The following TXLNB variants were observed in gnomAD, a reference collection of about 807,000 sequenced individuals.
TXLNB encodes the protein taxilin beta.
TXLNB carries 37 observed loss-of-function variants against 57.4 expected under a neutral mutation model. The ratio of observed to expected loss-of-function variants is 0.64; its 90% CI spans 0.50 to 0.85. The LOEUF (loss-of-function observed/expected upper bound fraction) is 0.85, where lower values mean the gene tolerates loss of function less well. Ranked by LOEUF, TXLNB falls within the 40% of genes least tolerant of loss-of-function variation. TXLNB has a pLI of 0.00. For missense variants in TXLNB, 848 were observed against 825.6 expected (o/e 1.03, Z -0.33); for synonymous variants, 302 against 309.6 (o/e 0.98, Z 0.26).
intron 2 of TXLNB, among the ~76,000 whole-genome samples, chr6:139,281,313 G>A (rs555001174): frequency 3.6e-4 from 55 of 152,220 alleles, no homozygotes; most frequent in African/African-American, 1.3e-3. Flanking sequence ...AATTTACAAA[G>A]GTTCTCTTAC....
the TXLNB span, chr6:139,174,691 C>G: frequency 8.9e-7 from 1 of 1,122,502 alleles, no homozygotes; most frequent in Non-Finnish European, 1.2e-6. Flanking sequence ...TAGTGGAATA[C>G]TATTCAGTCA....
At chr6:139,248,068 T>G (rs1294285171) in intron 7 of TXLNB, among the ~76,000 whole-genome samples, 159 bp from the exon 8 acceptor site, 2 of 152,192 alleles carry the variant, frequency 1.3e-5, no homozygotes, top group Non-Finnish European at 2.9e-5. Flanking sequence ...ATTGAAATGC[T>G]TCTTTAAAGA....
At chr6:139,316,068 T>A in the TXLNB span, among the ~76,000 whole-genome samples, 4 of 152,226 alleles carry the variant, frequency 2.6e-5, no homozygotes, top group Non-Finnish European at 5.9e-5. Flanking sequence ...AAAAAATATT[T>A]GGTAAGAATA....
At chr6:139,250,646 T>C (rs955092515) in intron 7 of TXLNB, among the ~76,000 whole-genome samples, 1 of 152,188 alleles carries the variant, frequency 6.6e-6, no homozygotes, top group Admixed American at 6.5e-5. Context: ...TTCCAACTTA[T>C]CAGTAACTCT....
In TXLNB at chr6:139,270,546, C is replaced by A; in HGVS notation, c.597G>T (p.Gln199His). 6.2e-7 allele frequency: 1 copy of A among 1,614,184 alleles called. No homozygotes were observed. The highest frequency in any genetic ancestry group is 8.5e-7 in the Non-Finnish European group (1 of 1,180,022). The change falls in exon 4 of 10, where the codon CAG (glutamine) becomes CAT (histidine). Residue 199 changes from glutamine (Q) to histidine (H), a missense_variant. Coordinates refer to ENST00000358430, the MANE Select transcript of TXLNB (RefSeq NM_153235.4). ...TAGCTCTGCTGTGTTCACCTTGTAA[C>A]TGGTCCTTTTCTTTTTGAATTTGTA... ...KQVQIQKEKD[Q>H]LQGEHSRAIL...
At chr6:139,179,771 A>G in the TXLNB span, 7 of 152,284 alleles carry the variant, frequency 4.6e-5, no homozygotes, top group Non-Finnish European at 1.0e-4. Flanking sequence ...AAAGGTTAGT[A>G]TTTTTGTTGT....
chr6:139,169,181 T>A, the TXLNB span, among the ~76,000 whole-genome samples: 1 of 152,122 alleles, frequency 6.6e-6, no homozygotes, highest in African/African-American at 2.4e-5. Context: ...TTTTCACTTT[T>A]AAAAAATTCT....
the TXLNB span, among the ~76,000 whole-genome samples, chr6:139,186,191 A>T: frequency 0.02 from 3,023 of 152,308 alleles, 103 homozygotes; most frequent in African/African-American, 0.069. Flanking sequence ...TATTTTTAAA[A>T]CTAACTCAAA....
At chr6:139,228,208 C>G in the TXLNB span, among the ~76,000 whole-genome samples, 3 of 152,062 alleles carry the variant, frequency 2.0e-5, no homozygotes, top group African/African-American at 7.2e-5. Context: ...AGCAACGCAA[C>G]CATACCCTCT....
At chr6:139,235,708 C>T (rs1464324135), downstream of TXLNB, among the ~76,000 whole-genome samples, 1 of 151,972 alleles carries the variant, frequency 6.6e-6, no homozygotes, top group African/African-American at 2.4e-5. Context: ...CGAGCCTGTG[C>T]CCAGGGACCG....
chr6:139,166,203 T>C, the TXLNB span: 3 of 1,134,266 alleles, frequency 2.6e-6, no homozygotes, highest in Non-Finnish European at 3.8e-6. Flanking sequence ...AGAAAAACCT[T>C]ATACCATACT....
At chr6:139,285,257 AACAC>A (rs57409101) in intron 2 of TXLNB, among the ~76,000 whole-genome samples, 14,983 of 119,912 alleles carry the variant, frequency 0.12, 1,907 homozygotes, top group African/African-American at 0.15. Flanking sequence ...CTTTCCCCTC[AACAC>A]ACACACACAC....
chr6:139,285,903 T>C lies in TXLNB; in HGVS notation c.424+2573A>G, dbSNP rs2114631764. Among the ~76,000 whole-genome samples, 4 of 145,706 alleles carry C rather than the reference T, an allele frequency of 2.7e-5. 1 individual carries two copies. In the South Asian group the frequency reaches 9.3e-4, roughly 34 times the overall value. On this transcript the variant is annotated intron_variant, in intron 2 of 9. Coordinates refer to ENST00000358430, the MANE Select transcript of TXLNB (RefSeq NM_153235.4). ...TCAGATGCCAAGGGGAAAGTGACTTTACCCACGAGAGAGATTTTACCCACG... is the reference window on the plus strand; with the variant it reads ...TCAGATGCCAAGGGGAAAGTGACTTCACCCACGAGAGAGATTTTACCCACG...
At chr6:139,263,413 C>A (rs773931471) in intron 4 of TXLNB, among the ~76,000 whole-genome samples, 18 of 152,112 alleles carry the variant, frequency 1.2e-4, no homozygotes, top group Admixed American at 2.0e-4. Flanking sequence ...TTTGAAAGAA[C>A]AATCATTAAA....
chr6:139,223,047 C>T, the TXLNB span, among the ~76,000 whole-genome samples: 2 of 152,198 alleles, frequency 1.3e-5, no homozygotes, highest in Non-Finnish European at 2.9e-5. Flanking sequence ...GCAGGCGGAA[C>T]ATTTACCAAG....
At chr6:139,163,139 C>T in the TXLNB span, among the ~76,000 whole-genome samples, 4,045 of 152,248 alleles carry the variant, frequency 0.027, 178 homozygotes, top group African/African-American at 0.091. Context: ...ATTCTTAACT[C>T]GGGGTGATTT....
intron 2 of TXLNB, among the ~76,000 whole-genome samples, chr6:139,280,860 T>A (rs922451842): frequency 1.3e-5 from 2 of 152,154 alleles, no homozygotes; most frequent in Non-Finnish European, 2.9e-5. Context: ...TTTCTTCTAA[T>A]AGGATATGAT....
chr6:139,197,638 A>G, the TXLNB span: 1 of 152,230 alleles, frequency 6.6e-6, no homozygotes, highest in Non-Finnish European at 1.5e-5. Context: ...GAGGAACCCA[A>G]ACAGATGTTA....
chr6:139,212,598 ATAAT>A, the TXLNB span, among the ~76,000 whole-genome samples: 3 of 151,974 alleles, frequency 2.0e-5, no homozygotes, highest in African/African-American at 7.3e-5. Flanking sequence ...AGCTAACATC[ATAAT>A]GACAGGATCA....
Sources: allele counts gnomAD v4.1 joint callset (sites outside exome capture counted in the v4.1 genomes callset), GRCh38; gene constraint gnomAD v4.1.1; transcripts MANE v1.5; gene names NCBI Gene and HGNC (gene_info 2026-07-23, HGNC 2026-07-21).